RTP2: variants seen among roughly 807,000 people sequenced by gnomAD.
The protein encoded by RTP2 is receptor-transporting protein 2.
A neutral mutation model predicts 17.9 loss-of-function variants in RTP2; 12 were observed. The ratio of observed to expected loss-of-function variants is 0.67; its 90% CI spans 0.43 to 1.09. The LOEUF (loss-of-function observed/expected upper bound fraction) is 1.09. Ranked by LOEUF, RTP2 falls within the 50% of genes least tolerant of loss-of-function variation. The probability of loss-of-function intolerance (pLI) is 0.00; values close to 1 mark genes in which losing one functional copy is unlikely to be tolerated. For synonymous variants in RTP2, 126 were observed against 117.7 expected, an observed-to-expected ratio of 1.07 and a Z score of -0.46; for missense variants, 327 against 295.7, an observed-to-expected ratio of 1.11 and a Z score of -0.78.
the RTP2 span, among the ~76,000 whole-genome samples, chr3:187,707,870 T>A: frequency 6.6e-6 from 1 of 152,178 alleles, no homozygotes; most frequent in East Asian, 1.9e-4. Flanking sequence ...CAAATCTAGA[T>A]CCCTCTGTAG....
the RTP2 span, among the ~76,000 whole-genome samples, chr3:187,715,340 G>A: frequency 6.6e-6 from 1 of 152,154 alleles, no homozygotes; most frequent in Non-Finnish European, 1.5e-5. Flanking sequence ...TTAGACACAG[G>A]AAATCCTTTA....
intron 1 of RTP2, among the ~76,000 whole-genome samples, 191 bp downstream of exon 1, chr3:187,701,774 C>G (rs1007839176): frequency 2.0e-5 from 3 of 152,176 alleles, no homozygotes; most frequent in Non-Finnish European, 4.4e-5. Context: ...CTCAGGGTCA[C>G]CCAGGGAGTT....
the RTP2 span, among the ~76,000 whole-genome samples, chr3:187,708,941 C>G: frequency 1.4e-5 from 2 of 146,606 alleles, no homozygotes; most frequent in Non-Finnish European, 3.0e-5. Flanking sequence ...GTCCACTAAG[C>G]TATTCCCTAG....
chr3:187,702,851 C>T (rs1717888971), upstream of RTP2, among the ~76,000 whole-genome samples: 1 of 152,232 alleles, frequency 6.6e-6, no homozygotes. Context: ...CAATCTTAGA[C>T]CAGTTGGTGA....
chr3:187,698,607 G>A (rs569180222), exon 2 of RTP2: 27 of 1,613,962 alleles, frequency 1.7e-5, no homozygotes, highest in Non-Finnish European at 2.3e-5. Context: ...GCCGGATCCC[G>A]CCTGGGCCCT....
the RTP2 span, among the ~76,000 whole-genome samples, chr3:187,711,187 G>A: frequency 1.3e-5 from 2 of 151,386 alleles, no homozygotes; most frequent in Non-Finnish European, 2.9e-5. Context: ...GTGGTGTCCA[G>A]GGGTGTCTAT....
chr3:187,699,595 T>C (rs1047924248), intron 1 of RTP2, among the ~76,000 whole-genome samples: 2 of 151,974 alleles, frequency 1.3e-5, no homozygotes, highest in African/African-American at 2.4e-5. Context: ...AACTGGCTTT[T>C]AGGAGGAACT....
upstream of RTP2, among the ~76,000 whole-genome samples, chr3:187,707,532 A>G (rs958804071): frequency 6.6e-6 from 1 of 152,314 alleles, no homozygotes; most frequent in South Asian, 2.1e-4. Context: ...GACTTAGAAA[A>G]TGAAATGACA....
chr3:187,699,419 C>A (rs1248781209), intron 1 of RTP2, among the ~76,000 whole-genome samples: 1 of 152,096 alleles, frequency 6.6e-6, no homozygotes, highest in South Asian at 2.1e-4. Flanking sequence ...TGACCTCCTG[C>A]GACTCTAATA....
At chr3:187,708,635 T>C in the RTP2 span, among the ~76,000 whole-genome samples, 1 of 152,228 alleles carries the variant, frequency 6.6e-6, no homozygotes, top group Non-Finnish European at 1.5e-5. Context: ...TTCCTCATCT[T>C]AAATACTAGT....
chr3:187,701,538 A>G (rs968845556), intron 1 of RTP2, among the ~76,000 whole-genome samples: 4 of 152,176 alleles, frequency 2.6e-5, no homozygotes, highest in Non-Finnish European at 5.9e-5. Flanking sequence ...ATGTTTATGT[A>G]TTCAGATCAA....
upstream of RTP2, among the ~76,000 whole-genome samples, chr3:187,702,938 GC>G (rs1303613076): frequency 6.6e-6 from 1 of 152,060 alleles, no homozygotes; most frequent in African/African-American, 2.4e-5. Context: ...AACTGTTAGA[GC>G]CCATATTCAG....
At chr3:187,710,234 A>G in the RTP2 span, among the ~76,000 whole-genome samples, 4 of 152,020 alleles carry the variant, frequency 2.6e-5, no homozygotes, top group African/African-American at 4.8e-5. Flanking sequence ...AATCTACAAG[A>G]TCAGCTCTCT....
chr3:187,702,648 A>C (rs1579783964), upstream of RTP2: 1 of 453,142 alleles, frequency 2.2e-6, no homozygotes, highest in East Asian at 7.0e-5. Flanking sequence ...CCATGTGCCT[A>C]GCACAAACCG....
the RTP2 span, among the ~76,000 whole-genome samples, chr3:187,710,538 CATAT>C: frequency 9.7e-5 from 14 of 143,636 alleles, no homozygotes; most frequent in African/African-American, 3.2e-4. Flanking sequence ...TGTATATGTG[CATAT>C]ATATATATAT....
upstream of RTP2, among the ~76,000 whole-genome samples, chr3:187,702,788 T>C (rs563468305): frequency 6.6e-6 from 1 of 152,380 alleles, no homozygotes; most frequent in African/African-American, 2.4e-5. Flanking sequence ...ATTTTAGTAC[T>C]ATTGTGCTCC....
chr3:187,715,574 T>C, the RTP2 span: 5 of 452,688 alleles, frequency 1.1e-5, no homozygotes, highest in East Asian at 2.1e-4. Context: ...CTAGTCCTTA[T>C]AGAATTTCTT....
intron 1 of RTP2, among the ~76,000 whole-genome samples, chr3:187,699,327 C>T (rs1717783231): frequency 6.6e-6 from 1 of 152,166 alleles, no homozygotes; most frequent in South Asian, 2.1e-4. Context: ...GGGCGCTGTG[C>T]AGGGTCATCC....
At chr3:187,701,092 C>A (rs1717833581) in intron 1 of RTP2, among the ~76,000 whole-genome samples, 1 of 152,202 alleles carries the variant, frequency 6.6e-6, no homozygotes, top group Non-Finnish European at 1.5e-5. Flanking sequence ...CAGCCACTTA[C>A]TGGCCTCTCT....
Sources: allele counts gnomAD v4.1 joint callset (sites outside exome capture counted in the v4.1 genomes callset), GRCh38; gene constraint gnomAD v4.1.1; transcripts MANE v1.5; gene names NCBI Gene and HGNC (gene_info 2026-07-23, HGNC 2026-07-21).